The following MAML2 variants were observed in gnomAD, a reference collection of about 807,000 sequenced individuals.
MAML2 encodes mastermind like transcriptional coactivator 2.
In MAML2, 22 loss-of-function variants were observed where a neutral mutation model predicts 96.1. That is an observed-to-expected ratio of 0.23 (90% confidence interval 0.16 to 0.33). MAML2 has a LOEUF of 0.33. Ranked by LOEUF, MAML2 falls within the 10% of genes least tolerant of loss-of-function variation. The probability of loss-of-function intolerance (pLI) is 1.00; values close to 1 mark genes in which losing one functional copy is unlikely to be tolerated. For synonymous variants in MAML2, 561 were observed against 521.3 expected (o/e 1.08, Z -1.04); for missense variants, 1,367 against 1,392.4 (o/e 0.98, Z 0.29).
At chr11:96,112,533 A>G (rs999456319) in intron 1 of MAML2, among the ~76,000 whole-genome samples, 1 of 152,252 alleles carries the variant, frequency 6.6e-6, no homozygotes, top group African/African-American at 2.4e-5. Flanking sequence ...TGTCACCAGG[A>G]GTATTTGTGT....
intron 1 of MAML2, among the ~76,000 whole-genome samples, chr11:96,183,260 TG>T (rs1271519364): frequency 1.3e-5 from 2 of 151,986 alleles, no homozygotes; most frequent in Admixed American, 1.3e-4. Context: ...CACCTGGCCT[TG>T]AACATCATGT....
At chr11:96,245,474 A>G (rs1213069627) in intron 1 of MAML2, among the ~76,000 whole-genome samples, 2 of 152,172 alleles carry the variant, frequency 1.3e-5, no homozygotes, top group South Asian at 2.1e-4. Context: ...GAAATAATCT[A>G]TAAATGAATT....
intron 1 of MAML2, among the ~76,000 whole-genome samples, chr11:96,106,970 G>A (rs1415969527): frequency 1.7e-5 from 1 of 58,150 alleles, no homozygotes; most frequent in Non-Finnish European, 3.4e-5. Flanking sequence ...TTGTAACTAT[G>A]AAAAGAGTCC....
chr11:96,298,717 A>C (rs1195974519), intron 1 of MAML2, among the ~76,000 whole-genome samples: 1 of 146,062 alleles, frequency 6.8e-6, no homozygotes, highest in Non-Finnish European at 1.5e-5. Flanking sequence ...ATAAATATAT[A>C]TATATTAAAT....
intron 1 of MAML2, among the ~76,000 whole-genome samples, chr11:96,103,306 CA>C (rs772918947): frequency 6.6e-6 from 1 of 152,174 alleles, no homozygotes; most frequent in Non-Finnish European, 1.5e-5. Context: ...TGTGACTTAT[CA>C]GGCACCTAGT....
rs1857685051 is a variant in MAML2 at position 95,978,688 on chromosome 11, G to C, written c.*260C>G. ...CAATTAATTACACATTGACACCACA[G>C]TTCTGTTTGGATAAATTGGATACTG... is the stretch of plus-strand genomic sequence containing the variant. On this transcript the variant is annotated 3_prime_UTR_variant, in exon 5 of 5. Transcript: ENST00000524717. The C allele has an allele frequency of 2.3e-6, 1 of 434,962 alleles. No homozygotes were observed. Among genetic ancestry groups the C allele is most frequent in the Non-Finnish European group, 4.1e-6 (1 of 246,172 alleles). 26.9% of individuals were successfully genotyped at this position (434,962 alleles called of 1,614,324 possible).
At chr11:96,114,824 T>G (rs1234849464) in intron 1 of MAML2, among the ~76,000 whole-genome samples, 1 of 152,130 alleles carries the variant, frequency 6.6e-6, no homozygotes, top group Non-Finnish European at 1.5e-5. Flanking sequence ...TAAGTATACC[T>G]GGAATGTGGA....
Position 96,250,576 on chromosome 11 carries a change from G to T in MAML2, c.513+90807C>A, listed in dbSNP as rs571985350. ...TATATCTAGCAGTTAGAAGAGTAGT[G>T]CTTGGTCCATAGTGAAAGCTCAGTA... On this transcript the variant is annotated intron_variant, in intron 1 of 4. Coordinates refer to ENST00000524717, the MANE Select transcript of MAML2 (RefSeq NM_032427.4). 2.0e-5 allele frequency among the ~76,000 whole-genome samples: 3 copies of T among 152,252 alleles called. No individual in the cohort carries two copies. The East Asian group carries it at 5.8e-4, about 29-fold the overall frequency.
In MAML2 at chr11:96,092,168, CTGCTGTTGCTGTTGCTGT is replaced by C. The variant is rs749502756; in HGVS notation, c.1845_1862del (p.Gln616_Gln621del). 3.2e-6 allele frequency: 5 copies of C among 1,544,172 alleles called. No homozygotes were observed. Among genetic ancestry groups the C allele is most frequent in the Admixed American group, 2.0e-5 (1 of 50,354 alleles). On this transcript the variant is annotated inframe_deletion, in exon 2 of 5. Transcript: ENST00000524717. This position sits in a 1 kb window ranked among gnomAD's most constrained non-coding sequence, Gnocchi z 4.1. ...GCTGTTGTTGAGCTGAAATTGAACT[CTGCTGTTGCTGTTGCTGT>C]TGCTGTTGCTGCTGCTGCTGCTGTT...
At chr11:96,269,809 C>A (rs1028417116) in intron 1 of MAML2, among the ~76,000 whole-genome samples, 1 of 144,328 alleles carries the variant, frequency 6.9e-6, no homozygotes, top group African/African-American at 2.7e-5. Flanking sequence ...CCATGCCCAG[C>A]CTTGAGGTGC....
At chr11:96,323,400 G>T (rs976877903) in intron 1 of MAML2, among the ~76,000 whole-genome samples, 15 of 151,280 alleles carry the variant, frequency 9.9e-5, no homozygotes, top group African/African-American at 3.6e-4. Context: ...GAATTTCCAT[G>T]TAAGAGGTGC....
intron 2 of MAML2, among the ~76,000 whole-genome samples, chr11:96,007,389 C>T (rs1858200235): frequency 6.6e-6 from 1 of 152,128 alleles, no homozygotes; most frequent in South Asian, 2.1e-4. Context: ...TGACTCTTTA[C>T]ATTAATTCAT....
At chr11:96,046,737 C>T (rs975882907) in intron 2 of MAML2, among the ~76,000 whole-genome samples, 7 of 152,108 alleles carry the variant, frequency 4.6e-5, no homozygotes, top group Non-Finnish European at 8.8e-5. Context: ...TTCCTTCCTC[C>T]CCAAATTATT....
intron 1 of MAML2, among the ~76,000 whole-genome samples, chr11:96,201,118 T>C (rs1861815355): frequency 6.6e-6 from 1 of 152,208 alleles, no homozygotes; most frequent in Non-Finnish European, 1.5e-5. Flanking sequence ...CATGGACAGA[T>C]CAGAGCAATA....
chr11:96,169,042 T>C (rs979125613), intron 1 of MAML2, among the ~76,000 whole-genome samples: 1 of 152,236 alleles, frequency 6.6e-6, no homozygotes, highest in African/African-American at 2.4e-5. Context: ...CAGGCCACTT[T>C]GCTTTTCTGG....
At chr11:96,116,690 A>G (rs1860248700) in intron 1 of MAML2, among the ~76,000 whole-genome samples, 1 of 152,218 alleles carries the variant, frequency 6.6e-6, no homozygotes, top group Non-Finnish European at 1.5e-5. Flanking sequence ...CTACTAAACA[A>G]GTGGATTCCT....
intron 2 of MAML2, among the ~76,000 whole-genome samples, chr11:96,048,178 G>C (rs1858936441): frequency 6.6e-6 from 1 of 151,942 alleles, no homozygotes; most frequent in Non-Finnish European, 1.5e-5. Context: ...GTCATAAAAA[G>C]GTGCACCACT....
intron 1 of MAML2, among the ~76,000 whole-genome samples, chr11:96,132,363 A>G (rs1860561677): frequency 6.6e-6 from 1 of 152,224 alleles, no homozygotes. Flanking sequence ...ATAGTTTGCC[A>G]GAGTGCATGC....
chr11:96,093,393 G>A lies in MAML2; in HGVS notation c.638C>T (p.Ser213Phe). Residue 213 changes from serine (S) to phenylalanine (F), a missense_variant, in exon 2 of 5, where the codon TCT becomes TTT. Coordinates refer to ENST00000524717, the MANE Select transcript of MAML2 (RefSeq NM_032427.4). ...TATTTGGAGGCCACCTTGTCCTGCA[G>A]AGAGATTCTCCCCAACACGAATTCT... ...IKRIRVGENL[S>F]AGQGGLQINN... is the part of the protein sequence containing the mutation. The A allele has an allele frequency of 2.5e-6, 4 of 1,614,050 alleles. No individual in the cohort carries two copies. The highest frequency in any genetic ancestry group is 3.4e-6 in the Non-Finnish European group (4 of 1,179,906).
Sources: gnomAD v4.1 joint callset for allele counts (sites outside exome capture counted in the v4.1 genomes callset) on GRCh38, gnomAD v4.1.1 for gene constraint, Gnocchi (gnomAD v3.1) non-coding constraint, MANE v1.5 for transcripts, NCBI Gene and HGNC (gene_info 2026-07-23, HGNC 2026-07-21) for gene names.